CNTN3: variants seen among roughly 807,000 people sequenced by gnomAD.
CNTN3 encodes contactin 3, also known as contactin-3.
Under a neutral mutation model 119.1 loss-of-function variants are expected in CNTN3, and 60 were observed. That is an observed-to-expected ratio of 0.50 (90% CI 0.41 to 0.62). The LOEUF (loss-of-function observed/expected upper bound fraction) is 0.62. Ranked by LOEUF, CNTN3 falls within the 20% of genes least tolerant of loss-of-function variation. CNTN3 has a pLI of 0.00. For synonymous variants in CNTN3, 450 were observed against 438.7 expected (o/e 1.03, Z -0.32); for missense variants, 1,101 against 1,242.4 (o/e 0.89, Z 1.71).
At chr3:74,419,989 G>T (rs1222105788) in intron 5 of CNTN3, among the ~76,000 whole-genome samples, 2 of 152,164 alleles carry the variant, frequency 1.3e-5, no homozygotes, top group Admixed American at 6.5e-5. Context: ...TAATAATTAT[G>T]CTACAGGTGA....
intron 5 of CNTN3, among the ~76,000 whole-genome samples, chr3:74,420,267 T>C (rs1701595629): frequency 1.3e-5 from 2 of 152,198 alleles, no homozygotes; most frequent in East Asian, 1.9e-4. Flanking sequence ...TAGTATCAAA[T>C]AGATGGCAAA....
intron 1 of CNTN3, among the ~76,000 whole-genome samples, chr3:74,594,619 C>G (rs1164318465): frequency 6.6e-6 from 1 of 152,146 alleles, no homozygotes; most frequent in East Asian, 1.9e-4. Context: ...CTACAAAGGA[C>G]ATGAACTCAT....
intron 1 of CNTN3, among the ~76,000 whole-genome samples, chr3:74,541,725 A>G (rs1243015148): frequency 6.6e-6 from 1 of 152,188 alleles, no homozygotes; most frequent in Admixed American, 6.6e-5. Flanking sequence ...AGTTTATTTT[A>G]TTGTTCATTA....
intron 1 of CNTN3, among the ~76,000 whole-genome samples, chr3:74,595,868 G>A (rs1704798572): frequency 6.6e-6 from 1 of 152,048 alleles, no homozygotes; most frequent in Non-Finnish European, 1.5e-5. Context: ...GGAAATAAAG[G>A]GTATTCAATT....
At chr3:74,271,224 G>A (rs549950799) in intron 20 of CNTN3, among the ~76,000 whole-genome samples, 10 of 152,146 alleles carry the variant, frequency 6.6e-5, no homozygotes, top group South Asian at 4.1e-4. Context: ...AAATTGTGGC[G>A]TTCATCACAA....
At chr3:74,414,734 T>C (rs1411914693) in intron 5 of CNTN3, among the ~76,000 whole-genome samples, 1 of 152,172 alleles carries the variant, frequency 6.6e-6, no homozygotes, top group African/African-American at 2.4e-5. Context: ...ATTGTCAGGT[T>C]TCTTTGTAAC....
chr3:74,384,432 A>C (rs939613920), intron 5 of CNTN3, among the ~76,000 whole-genome samples: 5 of 152,262 alleles, frequency 3.3e-5, no homozygotes, highest in African/African-American at 1.2e-4. Flanking sequence ...GTAAAAGAGC[A>C]TTAGATTCTG....
At chr3:74,360,522 C>T (rs1704051980) in intron 11 of CNTN3, among the ~76,000 whole-genome samples, 1 of 152,040 alleles carries the variant, frequency 6.6e-6, no homozygotes, top group Non-Finnish European at 1.5e-5. Flanking sequence ...GTTAAGTTTC[C>T]TATTGCTGTT....
intron 4 of CNTN3, among the ~76,000 whole-genome samples, chr3:74,451,228 C>T (rs368706581): frequency 1.3e-5 from 2 of 152,022 alleles, no homozygotes; most frequent in Non-Finnish European, 2.9e-5. Context: ...AGATGGTATC[C>T]CATTGCGGTT....
chr3:74,479,502 T>C (rs1702723128), intron 4 of CNTN3, among the ~76,000 whole-genome samples: 1 of 152,180 alleles, frequency 6.6e-6, no homozygotes, highest in Non-Finnish European at 1.5e-5. Context: ...AAAAGATTTG[T>C]AACATATTAT....
intron 4 of CNTN3, among the ~76,000 whole-genome samples, chr3:74,460,747 T>C (rs1303394777): frequency 6.9e-6 from 1 of 144,764 alleles, no homozygotes; most frequent in East Asian, 2.0e-4. Context: ...CATCTAAAAG[T>C]AGAGATAGTT....
At chr3:74,308,557 G>A (rs1173327323) in intron 13 of CNTN3, among the ~76,000 whole-genome samples, 4 of 152,096 alleles carry the variant, frequency 2.6e-5, no homozygotes, top group Admixed American at 1.3e-4. Flanking sequence ...AAGTGCCACG[G>A]TGCCTCAAAG....
chr3:74,553,917 T>C (rs1559655706), intron 1 of CNTN3, among the ~76,000 whole-genome samples: 2 of 152,222 alleles, frequency 1.3e-5, no homozygotes, highest in South Asian at 2.1e-4. Context: ...AGCTCTTTAG[T>C]TTAATTAGAT....
chr3:74,325,200 T>C (rs1315678594), intron 13 of CNTN3, among the ~76,000 whole-genome samples: 1 of 152,234 alleles, frequency 6.6e-6, no homozygotes. Flanking sequence ...TGTTACTCTA[T>C]GCTAGATTTT....
intron 17 of CNTN3, 32 bp downstream of exon 17, chr3:74,299,836 C>A: frequency 6.3e-7 from 1 of 1,578,562 alleles, no homozygotes; most frequent in Non-Finnish European, 8.7e-7. Flanking sequence ...ACAGCAAGAC[C>A]CTGATGGGGA....
At chr3:74,402,978 C>T (rs1705235542) in intron 5 of CNTN3, among the ~76,000 whole-genome samples, 1 of 152,066 alleles carries the variant, frequency 6.6e-6, no homozygotes, top group Non-Finnish European at 1.5e-5. Context: ...TCTAGGTATT[C>T]TGAAGGGTTA....
chr3:74,376,429 G>A (rs1046447005), intron 5 of CNTN3, among the ~76,000 whole-genome samples: 1 of 152,094 alleles, frequency 6.6e-6, no homozygotes, highest in Non-Finnish European at 1.5e-5. Context: ...ATTCTCATAG[G>A]AGCACAAACC....
intron 11 of CNTN3, among the ~76,000 whole-genome samples, chr3:74,344,042 C>T (rs1256527940): frequency 1.3e-5 from 2 of 152,216 alleles, no homozygotes; most frequent in Admixed American, 6.5e-5. Context: ...GTTTCCTATA[C>T]ATTCTTAAGT....
At chr3:74,522,076 G>C (rs557559860) in intron 1 of CNTN3, among the ~76,000 whole-genome samples, 1 of 151,932 alleles carries the variant, frequency 6.6e-6, no homozygotes, top group African/African-American at 2.4e-5. Flanking sequence ...TTGGCCTCCT[G>C]TAGACAGTGG....
Sources: gnomAD v4.1 joint callset for allele counts (sites outside exome capture counted in the v4.1 genomes callset) on GRCh38, gnomAD v4.1.1 for gene constraint, MANE v1.5 for transcripts, NCBI Gene and HGNC (gene_info 2026-07-23, HGNC 2026-07-21) for gene names.